Variants in KDM5B observed in about 807,000 individuals in gnomAD.
The protein encoded by KDM5B is lysine demethylase 5B.
A neutral mutation model predicts 193.4 loss-of-function variants in KDM5B; 144 were observed. The observed-to-expected ratio is 0.74, with a 90% confidence interval of 0.65 to 0.86. The LOEUF is 0.86. Ranked by LOEUF, KDM5B falls within the 40% of genes least tolerant of loss-of-function variation. The pLI is 0.00. For missense variants in KDM5B, 1,833 were observed against 1,886.9 expected (o/e 0.97, Z 0.53); for synonymous variants, 668 against 682.6 (o/e 0.98, Z 0.33).
rs1033419391 is a variant in KDM5B at position 202,808,410 on chromosome 1, T to C, written c.-105A>G. 4 of 1,078,708 alleles carry C rather than the reference T, an allele frequency of 3.7e-6. No homozygotes were observed. The highest frequency in any genetic ancestry group is 5.2e-6 in the Non-Finnish European group (4 of 771,786). 66.8% of individuals were successfully genotyped at this position (1,078,708 alleles called of 1,614,324 possible). On this transcript the variant is annotated 5_prime_UTR_variant, in exon 1 of 27. Coordinates refer to ENST00000367265, the MANE Select transcript of KDM5B (RefSeq NM_006618.5). The stretch of plus-strand genomic sequence containing the variant: ...CAGACGCGGCTCGAGCAACAGCAAG[T>C]CCGAGTTGTACGGGCAACGGCAGCA...
chr1:202,740,225 T>C (rs1221502682), intron 20 of KDM5B, among the ~76,000 whole-genome samples: 2 of 123,336 alleles, frequency 1.6e-5, no homozygotes, highest in African/African-American at 3.2e-5. Flanking sequence ...GCTGGCCGGG[T>C]TGGGGGCTGA....
In KDM5B at chr1:202,756,386, C is replaced by G. The variant is rs911742382; in HGVS notation, c.1328G>C (p.Gly443Ala). 2.5e-6 allele frequency: 4 copies of G among 1,611,414 alleles called. No individual in the cohort carries two copies. Among genetic ancestry groups the G allele is most frequent in the Non-Finnish European group, 3.4e-6 (4 of 1,178,878 alleles). ...TTCCTCAGGTGAGAGTTTGATTTTCCCATCTCGGACAGGAAAGCCACTGCC... is the reference window on the plus strand; with the variant it reads ...TTCCTCAGGTGAGAGTTTGATTTTCGCATCTCGGACAGGAAAGCCACTGCC... ...EFGSGFPVRDGKIKLSPEEEE... is the reference protein window; with the variant it reads ...EFGSGFPVRDAKIKLSPEEEE... The change falls in exon 10 of 27, where the codon GGG (glycine) becomes GCG (alanine). Residue 443 changes from glycine to alanine, a missense_variant. Gly to Ala is a moderately conservative substitution (Grantham distance 60). Coordinates refer to ENST00000367265, the MANE Select transcript of KDM5B (RefSeq NM_006618.5).
chr1:202,792,329 C>T (rs1657674023), intron 1 of KDM5B, among the ~76,000 whole-genome samples: 2 of 151,130 alleles, frequency 1.3e-5, no homozygotes, highest in Non-Finnish European at 2.9e-5. Context: ...TCAAACCTAG[C>T]AGAGCTTCCG....
chr1:202,787,149 C>T (rs952188338), intron 1 of KDM5B, among the ~76,000 whole-genome samples: 1 of 152,110 alleles, frequency 6.6e-6, no homozygotes, highest in African/African-American at 2.4e-5. Context: ...CCCAAGTATA[C>T]ATGCATGCCA....
rs560833706 is a variant in KDM5B, at chr1:202,752,611, T to C, written c.1701+294A>G. Among the ~76,000 whole-genome samples, 18 of 152,330 alleles carry C rather than the reference T, an allele frequency of 1.2e-4. No homozygotes were observed. The South Asian group carries it at 3.5e-3, about 30-fold the overall frequency. On this transcript the variant is annotated intron_variant, in intron 12 of 26. Coordinates refer to ENST00000367265, the MANE Select transcript of KDM5B (RefSeq NM_006618.5). The stretch of plus-strand genomic sequence containing the variant: ...ACCCTAAAATACAAGCTCAAGACCT[T>C]GAAATAGATTTTCACTTATAAATAC...
In KDM5B at chr1:202,808,095, G is replaced by T; in HGVS notation, c.204+7C>A. On this transcript the variant is annotated splice_region_variant and intron_variant, in intron 1 of 26. Transcript: ENST00000367265. ...CGAGCTGGATCCGGGGTGCTGGCGT[G>T]ACTCACCGGCGGCGGCCGCACCTTA... The T allele has an allele frequency of 6.2e-7, 1 of 1,610,024 alleles. No individual in the cohort carries two copies. The highest frequency in any genetic ancestry group is 1.1e-5 in the South Asian group (1 of 90,424).
intron 23 of KDM5B, among the ~76,000 whole-genome samples, chr1:202,732,732 C>T (rs1301189693): frequency 1.3e-5 from 2 of 151,726 alleles, no homozygotes; most frequent in African/African-American, 4.8e-5. Flanking sequence ...GAGATGTTTA[C>T]CAACTTTAAA....
intron 5 of KDM5B, among the ~76,000 whole-genome samples, chr1:202,764,839 G>A (rs1346481359): frequency 6.6e-6 from 1 of 151,504 alleles, no homozygotes; most frequent in African/African-American, 2.4e-5. Context: ...AATTAGCCAG[G>A]TGTTGTGCAC....
At position 202,729,904 on chromosome 1, in the gene KDM5B, T is replaced by G; in HGVS notation, c.4300A>C (p.Lys1434Gln). ...WERVKKMRTP[K>Q]KKKIKLSHPK... ...TGGCTCAGTTTGATTTTCTTCTTTTTGGGGGTCCGCATTTTCTTAACTCGT... is the reference window on the plus strand; with the variant it reads ...TGGCTCAGTTTGATTTTCTTCTTTTGGGGGGTCCGCATTTTCTTAACTCGT... Residue 1434 changes from lysine to glutamine, a missense_variant, in exon 26 of 27, where the codon AAA (lysine) becomes CAA (glutamine). This residue lies in a region of KDM5B where 1,379 missense variants were observed against 1,349.6 expected (regional missense o/e 1.02). Coordinates refer to ENST00000367265, the MANE Select transcript of KDM5B (RefSeq NM_006618.5). 6.2e-7 allele frequency: 1 copy of G among 1,614,168 alleles called. No homozygotes were observed. Among genetic ancestry groups the G allele is most frequent in the Non-Finnish European group, 8.5e-7 (1 of 1,180,014 alleles).
At chr1:202,805,420 G>A (rs1476913296) in intron 1 of KDM5B, among the ~76,000 whole-genome samples, 2 of 152,184 alleles carry the variant, frequency 1.3e-5, no homozygotes, top group African/African-American at 4.8e-5. Context: ...GAGTCTCACT[G>A]AGAAAGCAGC....
intron 20 of KDM5B, among the ~76,000 whole-genome samples, chr1:202,737,290 G>C (rs1655132412): frequency 6.6e-6 from 1 of 152,206 alleles, no homozygotes; most frequent in East Asian, 1.9e-4. Context: ...TTTAAACACA[G>C]TTTCCTTAGT....
intron 1 of KDM5B, among the ~76,000 whole-genome samples, chr1:202,799,320 CT>C (rs1365511043): frequency 6.6e-6 from 1 of 152,202 alleles, no homozygotes; most frequent in East Asian, 1.9e-4. Context: ...GAAAATACCC[CT>C]CCTGTCCTCT....
chr1:202,755,684 G>A (rs972886894), intron 10 of KDM5B, among the ~76,000 whole-genome samples: 1 of 151,948 alleles, frequency 6.6e-6, no homozygotes, highest in African/African-American at 2.4e-5. Flanking sequence ...AATATATATA[G>A]AGGAACATAA....
Position 202,761,693 on chromosome 1 carries a change from G to A in KDM5B, c.918+1006C>T, listed in dbSNP as rs1359093543. Reference sequence around the variant, plus strand: ...CAGAGGAAAGACCATGTGAAAGACAGCCATCCACAGCCAAGGAAAGAGGGC... The same window carrying A: ...CAGAGGAAAGACCATGTGAAAGACAACCATCCACAGCCAAGGAAAGAGGGC... On this transcript the variant is annotated intron_variant, in intron 7 of 26. Transcript: ENST00000367265. 2.0e-5 allele frequency among the ~76,000 whole-genome samples: 3 copies of A among 152,144 alleles called. No individual in the cohort carries two copies. In the East Asian group the frequency reaches 5.8e-4, roughly 29 times the overall value.
intron 4 of KDM5B, among the ~76,000 whole-genome samples, chr1:202,771,205 T>A (rs1656697588): frequency 6.6e-6 from 1 of 152,150 alleles, no homozygotes; most frequent in South Asian, 2.1e-4. Flanking sequence ...CATTCTATTT[T>A]TTATTTTTTA....
At chr1:202,731,441 T>C (rs1017517703) in intron 24 of KDM5B, among the ~76,000 whole-genome samples, 2 of 152,186 alleles carry the variant, frequency 1.3e-5, no homozygotes, top group Non-Finnish European at 2.9e-5. Flanking sequence ...ACCACATTAC[T>C]AGACATACAC....
At chr1:202,736,611 G>C (rs1655105766) in intron 20 of KDM5B, among the ~76,000 whole-genome samples, 1 of 151,668 alleles carries the variant, frequency 6.6e-6, no homozygotes, top group Admixed American at 6.6e-5. Flanking sequence ...ACCTAGTTTG[G>C]GTCTTTTGTT....
chr1:202,760,898 C>A (rs140669920), intron 7 of KDM5B, among the ~76,000 whole-genome samples: 2 of 151,952 alleles, frequency 1.3e-5, no homozygotes, highest in African/African-American at 2.4e-5. Context: ...AGTGGTGGCA[C>A]GTGTCTGTAG....
rs759132582 is a variant in KDM5B, at chr1:202,735,439, G to A, written c.3413C>T (p.Thr1138Ile). Residue 1138 changes from threonine (T) to isoleucine (I), a missense_variant, in exon 22 of 27, where the codon ACT (threonine) becomes ATT (isoleucine). Transcript: ENST00000367265. ...LERALTESKE[T>I]ASAMATLGEA... ...AAAAACCCTACATACAGCTGAAGCA[G>A]TCTCCTTGCTTTCAGTTAAAGCTCT... is the stretch of plus-strand genomic sequence containing the variant. The A allele has an allele frequency of 1.9e-6, 3 of 1,613,530 alleles. No homozygotes were observed. In the Admixed American group the frequency reaches 5.0e-5, roughly 27 times the overall value.
Sources: allele counts gnomAD v4.1 joint callset (sites outside exome capture counted in the v4.1 genomes callset), GRCh38; gene constraint gnomAD v4.1.1; regional missense constraint gnomAD v4.1.1; transcripts MANE v1.5; gene names NCBI Gene and HGNC (gene_info 2026-07-23, HGNC 2026-07-21).